Variants in TMEM132B observed in about 807,000 individuals in gnomAD.
TMEM132B encodes the protein transmembrane protein 132B.
A neutral mutation model predicts 90.8 loss-of-function variants in TMEM132B; 18 were observed. The ratio of observed to expected loss-of-function variants is 0.20; its 90% confidence interval spans 0.14 to 0.29. The LOEUF is 0.29. Ranked by LOEUF, TMEM132B falls within the 10% of genes least tolerant of loss-of-function variation. The pLI is 1.00. For synonymous variants in TMEM132B, 504 were observed against 523.3 expected (o/e 0.96, Z 0.50); for missense variants, 1,096 against 1,326.8 (o/e 0.83, Z 2.70).
intron 5 of TMEM132B, among the ~76,000 whole-genome samples, chr12:125,623,360 A>C (rs907761270): frequency 6.6e-6 from 1 of 152,194 alleles, no homozygotes; most frequent in African/African-American, 2.4e-5. Context: ...ACATTTTGGT[A>C]ACACTTGACT....
intron 5 of TMEM132B, among the ~76,000 whole-genome samples, chr12:125,594,627 G>A (rs898844525): frequency 2.6e-5 from 4 of 152,104 alleles, no homozygotes; most frequent in Admixed American, 6.6e-5. Flanking sequence ...TATCCCTAGC[G>A]ATTACTGATG....
At chr12:125,619,644 C>T (rs1886073851) in intron 5 of TMEM132B, among the ~76,000 whole-genome samples, 1 of 152,020 alleles carries the variant, frequency 6.6e-6, no homozygotes, top group Non-Finnish European at 1.5e-5. Flanking sequence ...GGATTACAGG[C>T]GTGAGCCACC....
At chr12:125,517,133 A>G (rs1057284388) in intron 3 of TMEM132B, among the ~76,000 whole-genome samples, 48 of 151,616 alleles carry the variant, frequency 3.2e-4, no homozygotes, top group African/African-American at 1.2e-3. Context: ...ATGAGTTCAG[A>G]AACTGCTATT....
intron 1 of TMEM132B, among the ~76,000 whole-genome samples, chr12:125,332,461 C>A (rs1355960302): frequency 6.6e-6 from 1 of 152,038 alleles, no homozygotes; most frequent in Non-Finnish European, 1.5e-5. Flanking sequence ...CATCTTCTCT[C>A]AATTAAGCGC....
chr12:125,522,277 G>A (rs541409942), intron 4 of TMEM132B, among the ~76,000 whole-genome samples: 1 of 152,160 alleles, frequency 6.6e-6, no homozygotes, highest in Non-Finnish European at 1.5e-5. Context: ...TTTGTGTCCT[G>A]TCTGTCTCAG....
intron 1 of TMEM132B, among the ~76,000 whole-genome samples, chr12:125,332,912 T>A (rs1876831180): frequency 6.6e-6 from 1 of 152,208 alleles, no homozygotes; most frequent in African/African-American, 2.4e-5. Flanking sequence ...GATTTCGGAT[T>A]GCCCAGACTA....
intron 4 of TMEM132B, among the ~76,000 whole-genome samples, chr12:125,564,693 C>G (rs1884621501): frequency 6.6e-6 from 1 of 152,320 alleles, no homozygotes; most frequent in Admixed American, 6.5e-5. Flanking sequence ...CCAGCACTTA[C>G]CACTTTCCTG....
At chr12:125,195,188 G>A (rs1482379986) in intron 1 of TMEM132B, among the ~76,000 whole-genome samples, 1 of 152,008 alleles carries the variant, frequency 6.6e-6, no homozygotes, top group Non-Finnish European at 1.5e-5. Flanking sequence ...CACCTGCACT[G>A]TGCCAGCCCC....
rs150267014 is a variant in TMEM132B, at chr12:125,353,035, C to T, written c.959+2692C>T. Among the ~76,000 whole-genome samples, 340 of 152,342 alleles carry T rather than the reference C, an allele frequency of 2.2e-3. 1 individual carries two copies. Among genetic ancestry groups the T allele is most frequent in the African/African-American group, 7.8e-3 (325 of 41,580 alleles). On this transcript the variant is annotated intron_variant, in intron 2 of 8. Coordinates refer to ENST00000682704, the MANE Select transcript of TMEM132B (RefSeq NM_001366854.1). ...ATAGAAACTAGAGAAGCCTGAAATCCAACCCCACAGAGATTCTTTTAGTAT... is the reference window on the plus strand; with the variant it reads ...ATAGAAACTAGAGAAGCCTGAAATCTAACCCCACAGAGATTCTTTTAGTAT...
intron 3 of TMEM132B, among the ~76,000 whole-genome samples, chr12:125,501,495 A>G (rs1009951493): frequency 1.5e-4 from 23 of 152,162 alleles, no homozygotes; most frequent in African/African-American, 5.1e-4. Context: ...TAAGCCCAGC[A>G]TGCATTAGCT....
chr12:125,206,536 T>G lies in TMEM132B; in HGVS notation c.67+19670T>G, dbSNP rs935829256. Among the ~76,000 whole-genome samples the G allele has an allele frequency of 3.9e-5, 6 of 152,174 alleles. No homozygotes were observed. The South Asian group carries it at 1.2e-3, about 32-fold the overall frequency. ...TACAGGAGTGAACTACTGCCCCTGG[T>G]CTGATTGATATAAACGAGGTCCTCA... On this transcript the variant is annotated intron_variant, in intron 1 of 8. Transcript: ENST00000682704.
chr12:125,290,962 T>G (rs1443791773), intron 1 of TMEM132B, among the ~76,000 whole-genome samples: 1 of 152,150 alleles, frequency 6.6e-6, no homozygotes, highest in Non-Finnish European at 1.5e-5. Flanking sequence ...GAATTTAAGA[T>G]AGAGAGAGTG....
At chr12:125,204,143 G>C (rs1873128438) in intron 1 of TMEM132B, among the ~76,000 whole-genome samples, 1 of 152,182 alleles carries the variant, frequency 6.6e-6, no homozygotes. Context: ...CCCTTATGTA[G>C]AGTATCTCGT....
Position 125,234,802 on chromosome 12 carries a change from G to A in TMEM132B, c.67+47936G>A, listed in dbSNP as rs183558799. On this transcript the variant is annotated intron_variant, in intron 1 of 8. Coordinates refer to ENST00000682704, the MANE Select transcript of TMEM132B (RefSeq NM_001366854.1). ...GATGGACTTCTCTGCTCACTGGGAG[G>A]CAAGGCTCTTCCTCTATCCCCTATC... 8.3e-4 allele frequency among the ~76,000 whole-genome samples: 126 copies of A among 152,228 alleles called. 1 individual carries two copies. The highest frequency in any genetic ancestry group is 2.9e-3 in the African/African-American group (119 of 41,538).
At chr12:125,322,035 GA>G (rs1366043942) in intron 1 of TMEM132B, among the ~76,000 whole-genome samples, 1 of 152,132 alleles carries the variant, frequency 6.6e-6, no homozygotes, top group Non-Finnish European at 1.5e-5. Context: ...CGAAATAAAA[GA>G]AGTCGGGCAC....
intron 3 of TMEM132B, among the ~76,000 whole-genome samples, chr12:125,471,289 G>A (rs1270088479): frequency 1.3e-5 from 2 of 152,162 alleles, no homozygotes; most frequent in Non-Finnish European, 2.9e-5. Flanking sequence ...CATATGTATG[G>A]GGGACAGGAT....
At chr12:125,345,645 C>T (rs1459504233) in intron 1 of TMEM132B, among the ~76,000 whole-genome samples, 7 of 152,196 alleles carry the variant, frequency 4.6e-5, no homozygotes, top group Admixed American at 4.6e-4. Context: ...CATCCTTTAG[C>T]CACAGAGCAT....
intron 1 of TMEM132B, among the ~76,000 whole-genome samples, chr12:125,338,798 T>C (rs1877068399): frequency 1.3e-5 from 2 of 152,260 alleles, no homozygotes; most frequent in Non-Finnish European, 2.9e-5. Context: ...TCCATTTCTC[T>C]TGATAATAGG....
intron 2 of TMEM132B, among the ~76,000 whole-genome samples, chr12:125,368,040 A>T (rs1878184174): frequency 6.6e-6 from 1 of 152,142 alleles, no homozygotes; most frequent in African/African-American, 2.4e-5. Context: ...ATCATAGTAT[A>T]TATCTTTAAA....
Sources: gnomAD v4.1 joint callset for allele counts (sites outside exome capture counted in the v4.1 genomes callset) on GRCh38, gnomAD v4.1.1 for gene constraint, MANE v1.5 for transcripts, NCBI Gene and HGNC (gene_info 2026-07-23, HGNC 2026-07-21) for gene names.